SMG7: variants seen among roughly 807,000 people sequenced by gnomAD.
SMG7 encodes nonsense-mediated mRNA decay factor SMG7.
SMG7 carries 34 observed loss-of-function variants against 148.2 expected under a neutral mutation model. The observed-to-expected ratio is 0.23, with a 90% confidence interval of 0.17 to 0.31. SMG7 has a LOEUF of 0.31. Ranked by LOEUF, SMG7 falls within the 10% of genes least tolerant of loss-of-function variation. The pLI is 1.00. For synonymous variants in SMG7, 492 were observed against 515.1 expected (o/e 0.96, Z 0.61); for missense variants, 1,114 against 1,408.4 (o/e 0.79, Z 3.35).
At chr1:183,547,348 G>A in intron 18 of SMG7, 96 bp downstream of exon 18, 1 of 1,177,130 alleles carries the variant, frequency 8.5e-7, no homozygotes, top group East Asian at 2.6e-5. Context: ...TCTCTTCCTG[G>A]GGCTGTCCTT....
At chr1:183,529,351 G>C (rs995366767) in intron 7 of SMG7, 47 bp from the exon 8 acceptor site, 29 of 1,598,506 alleles carry the variant, frequency 1.8e-5, no homozygotes, top group Non-Finnish European at 2.4e-5. Flanking sequence ...AACAGTTGTA[G>C]CCAATTTGCT....
chr1:183,517,967 G>A (rs1281092676), intron 4 of SMG7, 147 bp downstream of exon 4: 13 of 816,542 alleles, frequency 1.6e-5, no homozygotes, highest in African/African-American at 5.2e-5. Flanking sequence ...CTTTTTTGGC[G>A]ACAGAGTCTG....
At chr1:183,502,841 G>A (rs3180406) in intron 1 of SMG7, among the ~76,000 whole-genome samples, 1 of 152,196 alleles carries the variant, frequency 6.6e-6, no homozygotes, top group African/African-American at 2.4e-5. Context: ...AGTGCCTGTA[G>A]AAATAGGTGT....
At chr1:183,496,096 T>A (rs1658419681) in intron 1 of SMG7, among the ~76,000 whole-genome samples, 1 of 152,216 alleles carries the variant, frequency 6.6e-6, no homozygotes, top group African/African-American at 2.4e-5. Context: ...TCTAGGAGTT[T>A]CTTTAATCAT....
At chr1:183,538,542 CTG>C (rs1326790800) in intron 12 of SMG7, 102 bp downstream of exon 12, 2 of 812,134 alleles carry the variant, frequency 2.5e-6, no homozygotes, top group African/African-American at 3.4e-5. Flanking sequence ...TCTGTCCCAG[CTG>C]TGTGTTATTT....
chr1:183,499,014 A>G (rs1362630778), intron 1 of SMG7, among the ~76,000 whole-genome samples: 1 of 152,180 alleles, frequency 6.6e-6, no homozygotes, highest in African/African-American at 2.4e-5. Flanking sequence ...CCTATGGTAT[A>G]TAGTCATTTT....
At position 183,551,852 on chromosome 1, in the gene SMG7, C is replaced by T; in HGVS notation, c.3485C>T (p.Pro1162Leu). The change falls in exon 23 of 23, where the codon CCT becomes CTT. Residue 1162 changes from proline to leucine, a missense_variant. Pro to Leu is a moderately conservative substitution (Grantham distance 98, BLOSUM62 -3). Coordinates refer to ENST00000688051, the MANE Select transcript of SMG7 (RefSeq NM_001375584.1). ...TCCAGTTCCATGATGCATCCTGGAC[C>T]TTCTGCTCTGGAGCAGCTGTTAATG... ...IWSSSMMHPG[P>L]SALEQLLMQQ... The T allele has an allele frequency of 6.2e-7, 1 of 1,613,546 alleles. No homozygotes were observed. Among genetic ancestry groups the T allele is most frequent in the Non-Finnish European group, 8.5e-7 (1 of 1,179,668 alleles).
chr1:183,526,210 G>A (rs1426778687), intron 4 of SMG7, among the ~76,000 whole-genome samples: 3 of 150,240 alleles, frequency 2.0e-5, no homozygotes, highest in Admixed American at 6.6e-5. Context: ...GTGCAGTGGC[G>A]TGATCTCGGC....
Position 183,553,608 on chromosome 1 carries a change from G to GGCCCCC in SMG7, c.*1677_*1678insGCCCCC, listed in dbSNP as rs757787584. 1 of 128,296 alleles carries GGCCCCC rather than the reference G, an allele frequency of 7.8e-6. No individual in the cohort carries two copies. The highest frequency in any genetic ancestry group is 1.7e-5 in the Non-Finnish European group (1 of 59,302). 7.9% of individuals were successfully genotyped at this position (128,296 alleles called of 1,614,324 possible). On this transcript the variant is annotated 3_prime_UTR_variant, in exon 23 of 23. Transcript: ENST00000688051. ...TTGCTCTTCAGAGAGAGTGGTTGGA[G>GGCCCCC]CCCCCCCCGCCCCGTATGCTTACAT...
chr1:183,497,378 T>A (rs1658741294), intron 1 of SMG7, among the ~76,000 whole-genome samples: 1 of 152,112 alleles, frequency 6.6e-6, no homozygotes, highest in Non-Finnish European at 1.5e-5. Context: ...GTGCCAGTGC[T>A]TACAAAGTCT....
chr1:183,506,644 T>G (rs1370931773), intron 1 of SMG7, among the ~76,000 whole-genome samples: 1 of 147,918 alleles, frequency 6.8e-6, no homozygotes, highest in East Asian at 2.0e-4. Context: ...GGCTTTTGGT[T>G]AAATTTCTTA....
chr1:183,484,149 G>A (rs758637958), intron 1 of SMG7, among the ~76,000 whole-genome samples: 5 of 152,140 alleles, frequency 3.3e-5, no homozygotes, highest in East Asian at 3.9e-4. Context: ...CTCCATAGCC[G>A]TGGGAGATTG....
intron 1 of SMG7, among the ~76,000 whole-genome samples, chr1:183,476,615 A>G (rs1037205954): frequency 6.6e-6 from 1 of 152,238 alleles, no homozygotes; most frequent in African/African-American, 2.4e-5. Context: ...AAGAAAACCT[A>G]TCTTCTATGT....
At chr1:183,488,884 G>A (rs1656200827) in intron 1 of SMG7, among the ~76,000 whole-genome samples, 1 of 151,860 alleles carries the variant, frequency 6.6e-6, no homozygotes, top group Admixed American at 6.6e-5. Flanking sequence ...AGGTTTTGCT[G>A]TGTTGGCCAG....
intron 8 of SMG7, among the ~76,000 whole-genome samples, chr1:183,532,807 A>G (rs956703425): frequency 1.3e-5 from 2 of 152,212 alleles, no homozygotes; most frequent in Admixed American, 6.5e-5. Context: ...TTTAATATGT[A>G]TACATCTTGT....
chr1:183,478,257 T>C (rs1213313089), intron 1 of SMG7, among the ~76,000 whole-genome samples: 1 of 152,168 alleles, frequency 6.6e-6, no homozygotes, highest in East Asian at 1.9e-4. Flanking sequence ...CGAAGTCTTC[T>C]TCACCTGCCC....
chr1:183,551,232 C>A, intron 22 of SMG7, 42 bp downstream of exon 22: 1 of 1,529,144 alleles, frequency 6.5e-7, no homozygotes, highest in Non-Finnish European at 8.7e-7. Flanking sequence ...ATTATTACAG[C>A]AAAGGTGTCT....
At chr1:183,503,503 A>G (rs900048725) in intron 1 of SMG7, among the ~76,000 whole-genome samples, 8 of 152,222 alleles carry the variant, frequency 5.3e-5, no homozygotes, top group Non-Finnish European at 8.8e-5. Context: ...TACTAAGAAC[A>G]TAGTCTTCAT....
chr1:183,528,057 C>A, intron 6 of SMG7, 30 bp downstream of exon 6: 1 of 1,542,040 alleles, frequency 6.5e-7, no homozygotes, highest in Non-Finnish European at 8.9e-7. Context: ...TGAGATTGAC[C>A]GTGACACTTT....
Sources: allele counts gnomAD v4.1 joint callset (sites outside exome capture counted in the v4.1 genomes callset), GRCh38; gene constraint gnomAD v4.1.1; transcripts MANE v1.5; gene names NCBI Gene and HGNC (gene_info 2026-07-23, HGNC 2026-07-21).